UGT2B15: variants seen among roughly 807,000 people sequenced by gnomAD.
The protein encoded by UGT2B15 is UDP-glucuronosyltransferase 2B15.
Under a neutral mutation model 45.9 loss-of-function variants are expected in UGT2B15, and 36 were observed. That is an observed-to-expected ratio of 0.78 (90% CI 0.60 to 1.04). The LOEUF (loss-of-function observed/expected upper bound fraction) is 1.04. UGT2B15 is among the 50% of genes least tolerant of loss of function. The pLI, the probability that UGT2B15 is intolerant of heterozygous loss-of-function variation, is 0.00. For missense variants in UGT2B15, 617 were observed against 622.4 expected (o/e 0.99, Z 0.09); for synonymous variants, 219 against 216.4 (o/e 1.01, Z -0.11).
chr4:68,663,357 A>G (rs1733020689), intron 2 of UGT2B15, among the ~76,000 whole-genome samples: 1 of 152,014 alleles, frequency 6.6e-6, no homozygotes. Context: ...ATATGCATGT[A>G]TGTATGTGTG....
rs532677932 is a variant in UGT2B15, at chr4:68,653,920, T to C, written c.1313+117A>G. ...TGGAAAGTAAGGACAGATTTTACAT[T>C]GGTTAAATCACTTCAATCCCTTCAA... is the stretch of plus-strand genomic sequence containing the variant. On this transcript the variant is annotated intron_variant, in intron 5 of 5. Transcript: ENST00000338206. 1.1e-5 allele frequency: 15 copies of C among 1,314,818 alleles called. No individual in the cohort carries two copies. The South Asian group carries it at 2.4e-4, about 21-fold the overall frequency. The allele number at this position is 1,314,818 out of a possible 1,614,324, so 81.4% of individuals were successfully genotyped here.
chr4:68,666,746 A>ATTTTT (rs1172427126), intron 2 of UGT2B15, among the ~76,000 whole-genome samples: 16 of 71,104 alleles, frequency 2.3e-4, no homozygotes, highest in African/African-American at 1.3e-4. Context: ...ATATATATAT[A>ATTTTT]TATATATTTT....
At chr4:68,649,599 A>G (rs1300577338) in intron 5 of UGT2B15, among the ~76,000 whole-genome samples, 2 of 151,818 alleles carry the variant, frequency 1.3e-5, no homozygotes, top group Admixed American at 6.6e-5. Context: ...CTCTTTTAAA[A>G]ATGTTTATTT....
chr4:68,648,831 T>G (rs1240050328), intron 5 of UGT2B15, among the ~76,000 whole-genome samples: 2 of 152,098 alleles, frequency 1.3e-5, no homozygotes, highest in Non-Finnish European at 1.5e-5. Context: ...TTTCTGTTTT[T>G]GGTTAGCAGT....
At chr4:68,666,126 T>G (rs1238467113) in intron 2 of UGT2B15, among the ~76,000 whole-genome samples, 3 of 152,014 alleles carry the variant, frequency 2.0e-5, no homozygotes, top group Admixed American at 6.6e-5. Context: ...AGTGAGGAAT[T>G]TTTTTTTGAG....
At chr4:68,668,631 T>A (rs1474303100) in intron 1 of UGT2B15, among the ~76,000 whole-genome samples, 1 of 147,838 alleles carries the variant, frequency 6.8e-6, no homozygotes, top group African/African-American at 2.5e-5. Context: ...CTCATGATAT[T>A]GAGTGAGCTC....
intron 3 of UGT2B15, among the ~76,000 whole-genome samples, chr4:68,658,973 A>C (rs1732885940): frequency 6.6e-6 from 1 of 152,028 alleles, no homozygotes; most frequent in African/African-American, 2.4e-5. Context: ...AAGACACACT[A>C]ATGCAAGACC....
chr4:68,670,300 A>T lies in UGT2B15; in HGVS notation c.319T>A (p.Trp107Arg). The T allele has an allele frequency of 6.2e-7, 1 of 1,614,120 alleles. No individual in the cohort carries two copies. Among genetic ancestry groups the T allele is most frequent in the Non-Finnish European group, 8.5e-7 (1 of 1,180,004 alleles). The change falls in exon 1 of 6, where the codon TGG (tryptophan) becomes AGG (arginine). Residue 107 changes from tryptophan (W) to arginine (R), a missense_variant. Coordinates refer to ENST00000338206, the MANE Select transcript of UGT2B15 (RefSeq NM_001076.4). ...WIYGVSKNTF[W>R]SYFSQLQELC... Reference sequence around the variant, plus strand: ...TCTTGTAATTGTGAAAAATATGACCAAAATGTATTTTTTGAAACACCATAT... The same window carrying T: ...TCTTGTAATTGTGAAAAATATGACCTAAATGTATTTTTTGAAACACCATAT...
chr4:68,659,220 C>T (rs2109828255), intron 3 of UGT2B15, among the ~76,000 whole-genome samples: 1 of 151,914 alleles, frequency 6.6e-6, no homozygotes, highest in African/African-American at 2.4e-5. Context: ...AAGATTTTTG[C>T]CTTTTTTTGA....
chr4:68,649,012 T>C (rs1732570175), intron 5 of UGT2B15, among the ~76,000 whole-genome samples: 1 of 151,954 alleles, frequency 6.6e-6, no homozygotes, highest in Non-Finnish European at 1.5e-5. Context: ...TTATTCATTT[T>C]TGTTGGATGT....
intron 5 of UGT2B15, among the ~76,000 whole-genome samples, chr4:68,651,550 G>C (rs1171100738): frequency 6.6e-6 from 1 of 151,786 alleles, no homozygotes; most frequent in Non-Finnish European, 1.5e-5. Context: ...TTTGGTTACT[G>C]TAAGGTGTAA....
chr4:68,653,787 A>G (rs1308994176), intron 5 of UGT2B15, among the ~76,000 whole-genome samples: 3 of 152,138 alleles, frequency 2.0e-5, no homozygotes, highest in African/African-American at 7.2e-5. Flanking sequence ...AATATTTAAA[A>G]TAATTATCTA....
At chr4:68,669,692 G>A (rs1333480990) in intron 1 of UGT2B15, among the ~76,000 whole-genome samples, 44 of 152,114 alleles carry the variant, frequency 2.9e-4, no homozygotes. Context: ...TGGGTGTCCT[G>A]TAGTAGTGAT....
chr4:68,658,650 T>C (rs1304413581), intron 3 of UGT2B15, among the ~76,000 whole-genome samples: 1 of 152,116 alleles, frequency 6.6e-6, no homozygotes, highest in Non-Finnish European at 1.5e-5. Flanking sequence ...TCATAACTTC[T>C]AACCCTGTGG....
intron 5 of UGT2B15, among the ~76,000 whole-genome samples, chr4:68,650,110 G>C (rs549309822): frequency 2.0e-5 from 3 of 151,958 alleles, no homozygotes; most frequent in Non-Finnish European, 2.9e-5. Context: ...CTGGGATTAC[G>C]GGCGTGAGTC....
chr4:68,653,991 A>G, intron 5 of UGT2B15, 46 bp downstream of exon 5: 1 of 1,598,844 alleles, frequency 6.3e-7, no homozygotes, highest in Non-Finnish European at 8.6e-7. Flanking sequence ...CACTGTTGAC[A>G]AAATAATTTA....
chr4:68,666,124 AT>A (rs890365146), intron 2 of UGT2B15, among the ~76,000 whole-genome samples: 10 of 151,604 alleles, frequency 6.6e-5, no homozygotes, highest in Admixed American at 1.3e-4. Context: ...TGAGTGAGGA[AT>A]TTTTTTTTGA....
chr4:68,648,268 C>T (rs1185097269), intron 5 of UGT2B15, among the ~76,000 whole-genome samples: 2 of 152,096 alleles, frequency 1.3e-5, no homozygotes, highest in Non-Finnish European at 2.9e-5. Flanking sequence ...CCTACTTGTC[C>T]TAGCCCTTTC....
At chr4:68,664,544 A>G (rs928553182) in intron 2 of UGT2B15, among the ~76,000 whole-genome samples, 7 of 152,008 alleles carry the variant, frequency 4.6e-5, no homozygotes, top group Admixed American at 4.6e-4. Flanking sequence ...AAGTATTTTT[A>G]AAAAATATAA....
Sources: allele counts gnomAD v4.1 joint callset (sites outside exome capture counted in the v4.1 genomes callset), GRCh38; gene constraint gnomAD v4.1.1; transcripts MANE v1.5; gene names NCBI Gene and HGNC (gene_info 2026-07-23, HGNC 2026-07-21).